Variants in IKBKB observed in about 807,000 individuals in gnomAD.
IKBKB encodes inhibitor of nuclear factor kappa-B kinase subunit beta.
IKBKB carries 42 observed loss-of-function variants against 113.6 expected under a neutral mutation model. That is an observed-to-expected ratio of 0.37 (90% CI 0.29 to 0.48). IKBKB has a LOEUF of 0.48. IKBKB is among the 20% of genes least tolerant of loss of function. The probability of loss-of-function intolerance (pLI) is 0.99; values close to 1 mark genes in which losing one functional copy is unlikely to be tolerated. For missense variants in IKBKB, 673 were observed against 939.7 expected (o/e 0.72, Z 3.71); for synonymous variants, 296 against 361.3 (o/e 0.82, Z 2.05).
At chr8:42,284,924 T>G (rs1376332491) in intron 2 of IKBKB, among the ~76,000 whole-genome samples, 1 of 148,004 alleles carries the variant, frequency 6.8e-6, no homozygotes, top group Non-Finnish European at 1.5e-5. Context: ...TGGCACGATC[T>G]CGGTTCACTG....
intron 2 of IKBKB, among the ~76,000 whole-genome samples, chr8:42,281,870 G>A (rs1247118719): frequency 1.3e-5 from 2 of 152,124 alleles, no homozygotes; most frequent in Non-Finnish European, 2.9e-5. Flanking sequence ...GTCTAAACAT[G>A]GCTCTTGGCC....
chr8:42,298,192 G>A (rs1814311219), intron 5 of IKBKB: 1 of 985,448 alleles, frequency 1.0e-6, no homozygotes, highest in South Asian at 4.7e-5. Context: ...AAGATTGCAG[G>A]GCAGGCTGTG....
chr8:42,285,066 G>A (rs1303250144), intron 2 of IKBKB, among the ~76,000 whole-genome samples: 1 of 151,962 alleles, frequency 6.6e-6, no homozygotes, highest in East Asian at 1.9e-4. Context: ...ATGTTGGCCA[G>A]GCTGGTCTCG....
At position 42,322,351 on chromosome 8, in the gene IKBKB, A is replaced by T; in HGVS notation, c.1843A>T (p.Thr615Ser). Residue 615 changes from threonine to serine, a missense_variant, in exon 19 of 22, where the codon ACT becomes TCT. Thr to Ser is a moderately conservative substitution (Grantham distance 58). Coordinates refer to ENST00000520810, the MANE Select transcript of IKBKB (RefSeq NM_001556.3). The part of the protein sequence containing the change: ...VRVIYTQLSK[T>S]VVCKQKALEL... The stretch of plus-strand genomic sequence containing the variant: ...TGCCATGTTTATTCTTTGCAGTAAA[A>T]CTGTGGTTTGCAAGCAGAAGGCGCT... 1 of 1,613,472 alleles carries T rather than the reference A, an allele frequency of 6.2e-7. No homozygotes were observed. The highest frequency in any genetic ancestry group is 1.3e-5 in the African/African-American group (1 of 74,770).
At chr8:42,330,528 T>C (rs1334329932) in intron 21 of IKBKB, among the ~76,000 whole-genome samples, 1 of 152,080 alleles carries the variant, frequency 6.6e-6, no homozygotes, top group Non-Finnish European at 1.5e-5. Flanking sequence ...TTTTATTTTT[T>C]GAGATGGAGT....
intron 2 of IKBKB, among the ~76,000 whole-genome samples, chr8:42,288,032 A>G (rs1369096587): frequency 6.6e-6 from 1 of 152,166 alleles, no homozygotes; most frequent in African/African-American, 2.4e-5. Flanking sequence ...TAGAGGTTTC[A>G]TGGCGGAGCT....
intron 5 of IKBKB, among the ~76,000 whole-genome samples, chr8:42,297,198 C>G (rs889746637): frequency 6.6e-6 from 1 of 152,188 alleles, no homozygotes; most frequent in Non-Finnish European, 1.5e-5. Flanking sequence ...TTACTTTTAT[C>G]CCTGTTTCTG....
chr8:42,330,940 G>T lies in IKBKB; in HGVS notation c.2232G>T (p.Thr744=), dbSNP rs552529820. 2 of 1,614,188 alleles carry T rather than the reference G, an allele frequency of 1.2e-6. No homozygotes were observed. The highest frequency in any genetic ancestry group is 1.7e-6 in the Non-Finnish European group (2 of 1,180,036). ...CCCTAGACTGGAGCTGGTTACAGAC[G>T]GAAGAAGAAGAGCACAGCTGCCTGG... ...FTALDWSWLQ[T]EEEEHSCLEQ... is the part of the protein sequence containing the mutation. Residue 744 remains threonine (T), a synonymous_variant, in exon 22 of 22, where the codon ACG becomes ACT. Coordinates refer to ENST00000520810, the MANE Select transcript of IKBKB (RefSeq NM_001556.3).
At chr8:42,288,158 G>A (rs866843225) in intron 2 of IKBKB, among the ~76,000 whole-genome samples, 13 of 152,126 alleles carry the variant, frequency 8.5e-5, no homozygotes, top group African/African-American at 3.1e-4. Context: ...AGTGCGAGGC[G>A]GGCAGATCAC....
Position 42,271,483 on chromosome 8 carries a change from G to C in IKBKB, c.-19+14G>C, listed in dbSNP as rs1174699225. The C allele has an allele frequency of 5.5e-6, 6 of 1,083,002 alleles. No homozygotes were observed. The highest frequency in any genetic ancestry group is 1.5e-5 in the South Asian group (1 of 68,516). 67.1% of individuals were successfully genotyped at this position (1,083,002 alleles called of 1,614,324 possible). On this transcript the variant is annotated intron_variant, in intron 1 of 21. Coordinates refer to ENST00000520810, the MANE Select transcript of IKBKB (RefSeq NM_001556.3). Reference sequence around the variant, plus strand: ...CCCTGCCGACAGGTGAGTCCCCCTCGTGGGTGCGGCCCGGGTGCCACCTGC... The same window carrying C: ...CCCTGCCGACAGGTGAGTCCCCCTCCTGGGTGCGGCCCGGGTGCCACCTGC...
intron 6 of IKBKB, 142 bp downstream of exon 6, chr8:42,305,417 T>G: frequency 1.6e-6 from 1 of 629,760 alleles, no homozygotes. Flanking sequence ...CTGTTTGATT[T>G]GAAACAAAAT....
rs1181715698 is a variant in IKBKB, at chr8:42,271,385, G to T, written c.-103G>T. On this transcript the variant is annotated 5_prime_UTR_variant, in exon 1 of 22. Transcript: ENST00000520810. ...CCCGCATTTTAATGTTTTCAGGGGG[G>T]TGTCATAGCCCCGGGTTTGGCCGCC... is the stretch of plus-strand genomic sequence containing the variant. 2.0e-6 allele frequency: 3 copies of T among 1,511,396 alleles called. No homozygotes were observed. Among genetic ancestry groups the T allele is most frequent in the East Asian group, 2.5e-5 (1 of 40,562 alleles). The allele number at this position is 1,511,396 out of a possible 1,614,324, so 93.6% of individuals were successfully genotyped here.
rs1432033885 is a variant in IKBKB at position 42,329,176 on chromosome 8, A to G, written c.2167A>G (p.Ile723Val). 5.6e-6 allele frequency: 9 copies of G among 1,605,192 alleles called. No homozygotes were observed. The highest frequency in any genetic ancestry group is 7.6e-6 in the Non-Finnish European group (9 of 1,177,104). ...CCTCTGCACCCTGCTAGAAAATGCC[A>G]TACAGGACACTGTGAGGGAACAAGA... ...HNLCTLLENA[I>V]QDTVREQDQS... The change falls in exon 21 of 22, where the codon ATA becomes GTA. Residue 723 changes from isoleucine (I) to valine (V), a missense_variant. Around this residue, in one of 2 missense-constraint regions of IKBKB, gnomAD observed 506 missense variants for 638.7 expected, o/e 0.79. Transcript: ENST00000520810.
At chr8:42,290,698 C>T (rs1027979710) in intron 4 of IKBKB, among the ~76,000 whole-genome samples, 5 of 152,286 alleles carry the variant, frequency 3.3e-5, no homozygotes, top group Admixed American at 2.0e-4. Flanking sequence ...GCACCACACA[C>T]GGGGGCAGGG....
intron 5 of IKBKB, among the ~76,000 whole-genome samples, chr8:42,302,130 C>T (rs1485596694): frequency 6.6e-6 from 1 of 152,234 alleles, no homozygotes; most frequent in Admixed American, 6.5e-5. Context: ...TCATATTCAA[C>T]AGCAGTGCCA....
chr8:42,301,003 G>A (rs547959430), intron 5 of IKBKB, among the ~76,000 whole-genome samples: 5 of 152,052 alleles, frequency 3.3e-5, no homozygotes, highest in Admixed American at 6.6e-5. Context: ...GAAGGCATGC[G>A]CCACCATGCC....
At chr8:42,314,820 C>A (rs1046159457) in intron 9 of IKBKB, among the ~76,000 whole-genome samples, 1 of 151,804 alleles carries the variant, frequency 6.6e-6, no homozygotes, top group African/African-American at 2.4e-5. Flanking sequence ...GAAGTGACAT[C>A]TGATAACTTT....
rs540557542 is a variant in IKBKB at position 42,298,240 on chromosome 8, G to A, written c.388+4728G>A. On this transcript the variant is annotated intron_variant, in intron 5 of 21. Transcript: ENST00000520810. ...GCCTGATGGGGTGTGGCTCTGCTGG[G>A]CGGGCCTGGGTCTTATCAGATCTTA... 25 of 985,436 alleles carry A rather than the reference G, an allele frequency of 2.5e-5. No homozygotes were observed. The East Asian group carries it at 2.6e-3, about 103-fold the overall frequency. The allele number at this position is 985,436 out of a possible 1,614,324, so 61.0% of individuals were successfully genotyped here.
chr8:42,298,528 A>G (rs9694958), intron 5 of IKBKB: 122,442 of 953,402 alleles, frequency 0.13, 17,367 homozygotes, highest in African/African-American at 0.67. Flanking sequence ...GACTGGTTCC[A>G]TTGCATGCAT....
Sources: gnomAD v4.1 joint callset for allele counts (sites outside exome capture counted in the v4.1 genomes callset) on GRCh38, gnomAD v4.1.1 for gene constraint, gnomAD v4.1.1 regional missense constraint, MANE v1.5 for transcripts, NCBI Gene and HGNC (gene_info 2026-07-23, HGNC 2026-07-21) for gene names.